The following LHFPL3 variants were observed in gnomAD, a reference collection of about 807,000 sequenced individuals.
LHFPL3 encodes LHFPL tetraspan subfamily member 3 protein.
Under a neutral mutation model 19.3 loss-of-function variants are expected in LHFPL3, and 5 were observed. That is an observed-to-expected ratio of 0.26 (90% CI 0.14 to 0.54). LHFPL3 has a LOEUF of 0.54. Among genes scored for constraint, LHFPL3 ranks in the 20% least tolerant of loss-of-function variants. The pLI, the probability that LHFPL3 is intolerant of heterozygous loss-of-function variation, is 0.94. For missense variants in LHFPL3, 249 were observed against 307.4 expected (o/e 0.81, Z 1.42); for synonymous variants, 133 against 126.2 (o/e 1.05, Z -0.36).
chr7:104,722,879 A>G (rs1468012807), intron 1 of LHFPL3, among the ~76,000 whole-genome samples: 2 of 152,184 alleles, frequency 1.3e-5, no homozygotes, highest in African/African-American at 4.8e-5. Flanking sequence ...TTTGTGCAAC[A>G]GTGCATAGAC....
chr7:104,861,744 A>G (rs1791622888), intron 2 of LHFPL3, among the ~76,000 whole-genome samples: 1 of 152,186 alleles, frequency 6.6e-6, no homozygotes, highest in Non-Finnish European at 1.5e-5. Context: ...GTGGTCTAAC[A>G]TGGTCAAACG....
rs112112531 is a variant in LHFPL3, at chr7:104,426,238, C to CTGTTTGTT, written c.445+97040_445+97047dup. On this transcript the variant is annotated intron_variant, in intron 1 of 2. Transcript: ENST00000424859. Reference sequence around the variant, plus strand: ...TGATTCTGGTGTTCTACACTATGTTCTGTTTGTTTGTTTGTTTGTTTGTTT... The same window carrying CTGTTTGTT: ...TGATTCTGGTGTTCTACACTATGTTCTGTTTGTTTGTTTGTTTGTTTGTTTGTTTGTTT... Among the ~76,000 whole-genome samples the CTGTTTGTT allele has an allele frequency of 7.9e-3, 1,203 of 151,690 alleles. 14 individuals are homozygous for CTGTTTGTT. Among genetic ancestry groups the CTGTTTGTT allele is most frequent in the African/African-American group, 0.027 (1,133 of 41,254 alleles).
chr7:104,404,035 T>G (rs73403876), intron 1 of LHFPL3, among the ~76,000 whole-genome samples: 5,683 of 152,296 alleles, frequency 0.037, 301 homozygotes, highest in East Asian at 0.16. Flanking sequence ...CTGCCCTTGT[T>G]CTATAACAGT....
intron 1 of LHFPL3, among the ~76,000 whole-genome samples, chr7:104,585,089 C>T (rs1790538827): frequency 6.6e-6 from 1 of 152,064 alleles, no homozygotes; most frequent in Admixed American, 6.6e-5. Flanking sequence ...CCCTCTTGTC[C>T]TCTGTCCTTC....
Position 104,770,914 on chromosome 7 carries a change from C to A in LHFPL3, c.682+34003C>A, listed in dbSNP as rs139607881. Among the ~76,000 whole-genome samples, 603 of 152,356 alleles carry A rather than the reference C, an allele frequency of 4.0e-3. 4 individuals are homozygous for A. The highest frequency in any genetic ancestry group is 6.7e-3 in the Non-Finnish European group (458 of 68,036). On this transcript the variant is annotated intron_variant, in intron 2 of 2. Transcript: ENST00000424859. ...TGCCCCACCGCATGCCCGTCATCCC[C>A]TGTAGCATGTCAGTTTTTTAAGTGT...
intron 1 of LHFPL3, among the ~76,000 whole-genome samples, chr7:104,337,742 T>G (rs1002596749): frequency 5.3e-5 from 8 of 152,200 alleles, no homozygotes; most frequent in Non-Finnish European, 1.0e-4. Flanking sequence ...TTACAGAACA[T>G]TTTAAGAACC....
intron 1 of LHFPL3, among the ~76,000 whole-genome samples, chr7:104,567,440 C>G (rs1393198193): frequency 6.6e-6 from 1 of 152,168 alleles, no homozygotes; most frequent in South Asian, 2.1e-4. Flanking sequence ...TTTGTATATT[C>G]TTTTCTTTGA....
At chr7:104,822,271 T>C (rs778085885) in intron 2 of LHFPL3, among the ~76,000 whole-genome samples, 2 of 152,250 alleles carry the variant, frequency 1.3e-5, no homozygotes, top group Non-Finnish European at 2.9e-5. Context: ...TATTTTGTAA[T>C]ACAAATATCT....
intron 2 of LHFPL3, chr7:104,785,063 C>T (rs1324055015): frequency 6.6e-6 from 1 of 152,158 alleles, no homozygotes; most frequent in Non-Finnish European, 1.5e-5. Context: ...AAATTTTAGG[C>T]TATGTGATTT....
chr7:104,329,374 C>T, intron 1 of LHFPL3, 150 bp downstream of exon 1: 1 of 1,061,736 alleles, frequency 9.4e-7, no homozygotes, highest in African/African-American at 1.7e-5. Flanking sequence ...GGCGGGAGCC[C>T]AGCGAGGCCG....
At chr7:104,801,221 AC>A (rs1387795365) in intron 2 of LHFPL3, among the ~76,000 whole-genome samples, 1 of 152,128 alleles carries the variant, frequency 6.6e-6, no homozygotes, top group Admixed American at 6.6e-5. Flanking sequence ...GCAACAGGTG[AC>A]CCCAAGGACC....
At chr7:104,517,081 G>A (rs1182382870) in intron 1 of LHFPL3, among the ~76,000 whole-genome samples, 3 of 152,122 alleles carry the variant, frequency 2.0e-5, no homozygotes, top group Non-Finnish European at 4.4e-5. Context: ...TTATAAGTGG[G>A]AGTTAAATGA....
At chr7:104,590,078 A>G (rs56767420) in intron 1 of LHFPL3, among the ~76,000 whole-genome samples, 28,475 of 151,858 alleles carry the variant, frequency 0.19, 2,873 homozygotes, top group East Asian at 0.38. Context: ...GGATTCATTG[A>G]TTTTTTTGAA....
chr7:104,613,766 G>A (rs2193207), intron 1 of LHFPL3, among the ~76,000 whole-genome samples: 145,468 of 152,252 alleles, frequency 0.96, 69,796 homozygotes, highest in East Asian at 1. Flanking sequence ...GGGCCGAGTG[G>A]AACAGACAAG....
intron 2 of LHFPL3, among the ~76,000 whole-genome samples, chr7:104,771,956 G>T (rs1280461659): frequency 6.6e-6 from 1 of 151,216 alleles, no homozygotes; most frequent in Non-Finnish European, 1.5e-5. Flanking sequence ...CAAGTAGCTG[G>T]ACTATAGGTG....
chr7:104,491,772 G>C (rs1369510818), intron 1 of LHFPL3, among the ~76,000 whole-genome samples: 1 of 152,174 alleles, frequency 6.6e-6, no homozygotes, highest in Non-Finnish European at 1.5e-5. Context: ...TTCTATTGTA[G>C]TCAATGTCTA....
chr7:104,720,459 A>G (rs544632461), intron 1 of LHFPL3, among the ~76,000 whole-genome samples: 2 of 152,338 alleles, frequency 1.3e-5, no homozygotes, highest in African/African-American at 4.8e-5. Flanking sequence ...CCTAGGCAAT[A>G]CAATTCAGGA....
At chr7:104,566,248 G>C (rs1290218292) in intron 1 of LHFPL3, among the ~76,000 whole-genome samples, 2 of 152,148 alleles carry the variant, frequency 1.3e-5, no homozygotes, top group Non-Finnish European at 1.5e-5. Context: ...CTACTCAGGA[G>C]GCTGAGGTAA....
chr7:104,740,758 C>T (rs1793919064), intron 2 of LHFPL3, among the ~76,000 whole-genome samples: 1 of 152,194 alleles, frequency 6.6e-6, no homozygotes, highest in Non-Finnish European at 1.5e-5. Context: ...TAATCTCCAC[C>T]TGGTCCTGGC....
Sources: gnomAD v4.1 joint callset for allele counts (sites outside exome capture counted in the v4.1 genomes callset) on GRCh38, gnomAD v4.1.1 for gene constraint, MANE v1.5 for transcripts, NCBI Gene and HGNC (gene_info 2026-07-23, HGNC 2026-07-21) for gene names.